Variants in MIIP observed in about 807,000 individuals in gnomAD.
The protein encoded by MIIP is migration and invasion inhibitory protein.
Under a neutral mutation model 44.8 loss-of-function variants are expected in MIIP, and 44 were observed. The ratio of observed to expected loss-of-function variants is 0.98; its 90% CI spans 0.77 to 1.26. The LOEUF (loss-of-function observed/expected upper bound fraction) is 1.26. MIIP is among the 50% of genes most tolerant of loss of function. The probability of loss-of-function intolerance (pLI) is 0.00; values close to 1 mark genes in which losing one functional copy is unlikely to be tolerated. For missense variants in MIIP, 496 were observed against 511.7 expected, an observed-to-expected ratio of 0.97 and a Z score of 0.30; for synonymous variants, 225 against 218.3, an observed-to-expected ratio of 1.03 and a Z score of -0.27.
At chr1:12,027,720 A>G (rs1640133241) in intron 4 of MIIP, among the ~76,000 whole-genome samples, 1 of 152,128 alleles carries the variant, frequency 6.6e-6, no homozygotes, top group African/African-American at 2.4e-5. Context: ...CCAGACTTGT[A>G]TATCCCACTG....
chr1:12,029,200 G>C (rs767728523), intron 5 of MIIP, 23 bp from the exon 6 acceptor site: 1 of 1,613,504 alleles, frequency 6.2e-7, no homozygotes, highest in Non-Finnish European at 8.5e-7. Flanking sequence ...CCCCCGGCCT[G>C]CTCATCCCCC....
Position 12,022,426 on chromosome 1 carries a change from A to G in MIIP, c.446A>G (p.Gln149Arg), listed in dbSNP as rs1219641844. 2 of 1,573,094 alleles carry G rather than the reference A, an allele frequency of 1.3e-6. No homozygotes were observed. Among genetic ancestry groups the G allele is most frequent in the African/African-American group, 2.7e-5 (2 of 73,030 alleles). ...ACCCCGAGGTCCATCCTGGCTCAAC[A>G]GAGCAAGCTGTCCAAGGTAACGTGG... ...AQTPRSILAQ[Q>R]SKLSKPRVTF... is the part of the protein sequence containing the mutation. Residue 149 changes from glutamine (Q) to arginine (R), a missense_variant, in exon 3 of 10, where the codon CAG becomes CGG. Transcript: ENST00000235332.
intron 9 of MIIP, 86 bp downstream of exon 9, chr1:12,031,489 G>A (rs1053235653): frequency 3.2e-6 from 5 of 1,565,904 alleles, no homozygotes; most frequent in Admixed American, 1.8e-5. Flanking sequence ...AGAGCCTCCT[G>A]GGGGGTAGGA....
chr1:12,030,331 TG>T (rs1640211933), intron 8 of MIIP, among the ~76,000 whole-genome samples: 1 of 152,086 alleles, frequency 6.6e-6, no homozygotes, highest in South Asian at 2.1e-4. Context: ...GCTTCCAGGG[TG>T]ATCTGCCTGC....
chr1:12,023,380 T>TTTTATTTATTTA (rs1557549806), intron 4 of MIIP, among the ~76,000 whole-genome samples: 6 of 81,466 alleles, frequency 7.4e-5, no homozygotes, highest in Admixed American at 2.3e-4. Flanking sequence ...TTCTTTGTTT[T>TTTTATTTATTTA]CTTATTTATT....
chr1:12,025,414 A>G (rs6675167), intron 4 of MIIP, among the ~76,000 whole-genome samples: 6,131 of 151,434 alleles, frequency 0.04, 378 homozygotes, highest in African/African-American at 0.14. Context: ...TAGATGCCAC[A>G]TGTTGTTTAT....
chr1:12,023,543 A>G (rs923558442), intron 4 of MIIP, among the ~76,000 whole-genome samples: 4 of 151,584 alleles, frequency 2.6e-5, no homozygotes, highest in Non-Finnish European at 4.4e-5. Flanking sequence ...AGCTGGGACT[A>G]CAGGTGCCTG....
intron 5 of MIIP, 38 bp downstream of exon 5, chr1:12,029,179 A>C (rs1402927336): frequency 1.9e-6 from 3 of 1,613,094 alleles, no homozygotes; most frequent in Non-Finnish European, 2.5e-6. Flanking sequence ...AGGGCGGCTG[A>C]GCGGCTCCAT....
At chr1:12,026,307 A>G (rs1316028966) in intron 4 of MIIP, among the ~76,000 whole-genome samples, 1 of 152,154 alleles carries the variant, frequency 6.6e-6, no homozygotes, top group Non-Finnish European at 1.5e-5. Context: ...TCTGTCTCAA[A>G]AAACAAAGAC....
chr1:12,031,917 T>A lies in MIIP; in HGVS notation c.*109T>A. 1 of 1,161,322 alleles carries A rather than the reference T, an allele frequency of 8.6e-7. No individual in the cohort carries two copies. Among genetic ancestry groups the A allele is most frequent in the Non-Finnish European group, 1.2e-6 (1 of 812,268 alleles). The allele number at this position is 1,161,322 out of a possible 1,614,324, so 71.9% of individuals were successfully genotyped here. On this transcript the variant is annotated 3_prime_UTR_variant, in exon 10 of 10. Coordinates refer to ENST00000235332, the MANE Select transcript of MIIP (RefSeq NM_021933.4). ...TGCCCGCCCAGCTCAGGCCCAGCTG[T>A]CCTAGGTTGGGCAGGTGGGTGGACC...
chr1:12,019,731 G>A (rs908499542), intron 1 of MIIP, among the ~76,000 whole-genome samples, 179 bp downstream of exon 1: 13 of 152,282 alleles, frequency 8.5e-5, no homozygotes, highest in Non-Finnish European at 1.8e-4. Flanking sequence ...CGGCCCCGGT[G>A]TTTCTGGAGC....
At chr1:12,026,621 G>C (rs1640109121) in intron 4 of MIIP, among the ~76,000 whole-genome samples, 1 of 152,186 alleles carries the variant, frequency 6.6e-6, no homozygotes, top group Non-Finnish European at 1.5e-5. Context: ...CTGCCCCTTA[G>C]CATGAGCATG....
At chr1:12,020,268 G>A (rs990317713) in intron 1 of MIIP, among the ~76,000 whole-genome samples, 1 of 152,214 alleles carries the variant, frequency 6.6e-6, no homozygotes, top group Admixed American at 6.5e-5. Flanking sequence ...AGTGAAGGAG[G>A]AAGGGAGGGC....
chr1:12,031,492 G>T lies in MIIP; in HGVS notation c.1080+89G>T, dbSNP rs1367603528. ...CCTGGGGACTGCAGAGCCTCCTGGG[G>T]GGTAGGATTGAGGTGGGGAGGATGG... On this transcript the variant is annotated intron_variant, in intron 9 of 9. Coordinates refer to ENST00000235332, the MANE Select transcript of MIIP (RefSeq NM_021933.4). The T allele has an allele frequency of 4.5e-6, 7 of 1,564,964 alleles. No homozygotes were observed. In the African/African-American group the frequency reaches 8.2e-5, roughly 18 times the overall value.
intron 4 of MIIP, among the ~76,000 whole-genome samples, chr1:12,023,208 C>T (rs550299278): frequency 2.0e-5 from 3 of 147,810 alleles, no homozygotes; most frequent in Middle Eastern, 3.7e-3. Context: ...GGATTACAGG[C>T]GAGCACCACC....
Position 12,024,583 on chromosome 1 carries a change from T to A in MIIP, c.547+1666T>A, listed in dbSNP as rs540270681. ...TGCCTGCCACCACACCCGGCTAATT[T>A]TTGTATTTTTAGTAGAGAAGGGGTT... On this transcript the variant is annotated intron_variant, in intron 4 of 9. Transcript: ENST00000235332. Among the ~76,000 whole-genome samples, 136 of 152,138 alleles carry A rather than the reference T, an allele frequency of 8.9e-4. 1 individual carries two copies. Among genetic ancestry groups the A allele is most frequent in the East Asian group, 1.9e-4 (1 of 5,172 alleles).
At chr1:12,029,930 A>G (rs1449675120) in intron 7 of MIIP, 36 bp downstream of exon 7, 2 of 1,610,688 alleles carry the variant, frequency 1.2e-6, no homozygotes, top group East Asian at 4.5e-5. Flanking sequence ...CTTGGGGGAC[A>G]GAGCCTGAAC....
At chr1:12,020,362 A>G (rs1471205780) in intron 1 of MIIP, among the ~76,000 whole-genome samples, 1 of 152,208 alleles carries the variant, frequency 6.6e-6, no homozygotes, top group Non-Finnish European at 1.5e-5. Flanking sequence ...ACCACTGCCC[A>G]GGAGGCGGAG....
At chr1:12,028,349 G>A (rs1043770696) in intron 4 of MIIP, among the ~76,000 whole-genome samples, 3 of 152,160 alleles carry the variant, frequency 2.0e-5, no homozygotes, top group African/African-American at 4.8e-5. Context: ...AAAATATGTG[G>A]CTGATGTGGT....
Sources: allele counts gnomAD v4.1 joint callset (sites outside exome capture counted in the v4.1 genomes callset), GRCh38; gene constraint gnomAD v4.1.1; transcripts MANE v1.5; gene names NCBI Gene and HGNC (gene_info 2026-07-23, HGNC 2026-07-21).